CFAP70: variants seen among roughly 807,000 people sequenced by gnomAD.
The protein encoded by CFAP70 is cilia- and flagella-associated protein 70.
A neutral mutation model predicts 137.6 loss-of-function variants in CFAP70; 81 were observed. That is an observed-to-expected ratio of 0.59 (90% CI 0.49 to 0.71). The LOEUF is 0.71. Among genes scored for constraint, CFAP70 ranks in the 30% least tolerant of loss-of-function variants. CFAP70 has a pLI of 0.00. For missense variants in CFAP70, 976 were observed against 1,226.7 expected, an observed-to-expected ratio of 0.80 and a Z score of 3.05; for synonymous variants, 382 against 423.6, an observed-to-expected ratio of 0.90 and a Z score of 1.20.
At chr10:73,306,713 C>T (rs1384200215) in intron 12 of CFAP70, among the ~76,000 whole-genome samples, 1 of 151,442 alleles carries the variant, frequency 6.6e-6, no homozygotes, top group Admixed American at 6.6e-5. Flanking sequence ...ACAAAAATTA[C>T]AGAAAAAAAA....
At chr10:73,350,517 G>A (rs1365587215) in intron 3 of CFAP70, among the ~76,000 whole-genome samples, 2 of 151,836 alleles carry the variant, frequency 1.3e-5, no homozygotes, top group African/African-American at 4.8e-5. Context: ...TTATTAATAT[G>A]CAAGTGCTCT....
At chr10:73,299,551 T>C (rs1403456649) in intron 13 of CFAP70, 54 bp downstream of exon 14, 6 of 1,441,748 alleles carry the variant, frequency 4.2e-6, no homozygotes, top group Non-Finnish European at 5.8e-6. Context: ...AATTAACAAG[T>C]GCATGCACTC....
At chr10:73,304,059 AT>A (rs970244383) in intron 12 of CFAP70, among the ~76,000 whole-genome samples, 79 of 146,358 alleles carry the variant, frequency 5.4e-4, no homozygotes, top group African/African-American at 7.2e-4. Flanking sequence ...TTTATGGTAA[AT>A]TTTTTTTTTT....
At chr10:73,324,480 G>A (rs956625135) in intron 8 of CFAP70, among the ~76,000 whole-genome samples, 14 of 152,204 alleles carry the variant, frequency 9.2e-5, no homozygotes, top group African/African-American at 3.1e-4. Flanking sequence ...AACAAAGCTG[G>A]ACGGAGAATG....
chr10:73,301,950 T>C (rs1455953011), intron 12 of CFAP70, among the ~76,000 whole-genome samples: 1 of 152,018 alleles, frequency 6.6e-6, no homozygotes, highest in Non-Finnish European at 1.5e-5. Context: ...GAGAAGTATA[T>C]GGTATGTGAA....
Position 73,274,409 on chromosome 10 carries a change from TATTCCCC to T in CFAP70, c.2835+17_2835+23del. ...ACAATTAGTTCCCAGACCACGGGGT[TATTCCCC>T]ATTCTCTACCCCTCACCTCTTTCTC... On this transcript the variant is annotated intron_variant, in intron 23 of 26. Coordinates refer to ENST00000310715, the Ensembl canonical transcript of CFAP70. 6.3e-7 allele frequency: 1 copy of T among 1,594,958 alleles called. No homozygotes were observed. Among genetic ancestry groups the T allele is most frequent in the Non-Finnish European group, 8.5e-7 (1 of 1,172,906 alleles).
At position 73,297,182 on chromosome 10, in the gene CFAP70, C is replaced by T. The variant is rs1210360549; in HGVS notation, c.1513-9G>A. Reference sequence around the variant, plus strand: ...ATCTTTACCACAGCATGCTGCAAGACACACAGATCACCCATCTGATAATAC... The same window carrying T: ...ATCTTTACCACAGCATGCTGCAAGATACACAGATCACCCATCTGATAATAC... On this transcript the variant is annotated splice_polypyrimidine_tract_variant and intron_variant, in intron 14 of 26. Transcript: ENST00000310715. The T allele has an allele frequency of 1.9e-6, 3 of 1,609,288 alleles. No homozygotes were observed. The highest frequency in any genetic ancestry group is 1.1e-5 in the South Asian group (1 of 89,970).
rs1276156502 is a variant in CFAP70, at chr10:73,291,746, C to G, written c.1914G>C (p.Leu638=). 2.5e-6 allele frequency: 4 copies of G among 1,614,028 alleles called. No individual in the cohort carries two copies. The African/African-American group carries it at 5.3e-5, about 22-fold the overall frequency. Residue 638 remains leucine (L), a synonymous_variant, in exon 18 of 27, where the codon CTG becomes CTC. Coordinates refer to ENST00000310715, the Ensembl canonical transcript of CFAP70. ...CCAACAGGACAGCCAGGACACCACA[C>G]AGCAACAAGCTGAGAAAAGATCACC...
At chr10:73,355,083 A>G (rs2054565069) in intron 1 of CFAP70, among the ~76,000 whole-genome samples, 1 of 152,186 alleles carries the variant, frequency 6.6e-6, no homozygotes, top group Non-Finnish European at 1.5e-5. Context: ...GTATCACAAG[A>G]CAAAGTAGGA....
intron 26 of CFAP70, among the ~76,000 whole-genome samples, chr10:73,255,081 A>T (rs528533263): frequency 1.3e-5 from 2 of 152,194 alleles, no homozygotes; most frequent in East Asian, 3.9e-4. Flanking sequence ...TGGCCAACAT[A>T]GCAAAACCCT....
chr10:73,274,767 T>A lies in CFAP70; in HGVS notation c.2674-173A>T, dbSNP rs558032775. On this transcript the variant is annotated intron_variant, in intron 22 of 26. Coordinates refer to ENST00000310715, the Ensembl canonical transcript of CFAP70. Reference sequence around the variant, plus strand: ...ACTCAGAAACATAACCATTTAATTGTACAAGGAGACATTTTTCTAGCTCTG... The same window carrying A: ...ACTCAGAAACATAACCATTTAATTGAACAAGGAGACATTTTTCTAGCTCTG... 7.3e-4 allele frequency: 453 copies of A among 617,378 alleles called. 1 individual carries two copies. Among genetic ancestry groups the A allele is most frequent in the Non-Finnish European group, 1.0e-3 (388 of 374,864 alleles). 38.2% of individuals were successfully genotyped at this position (617,378 alleles called of 1,614,324 possible).
At chr10:73,314,298 A>G (rs775579621) in intron 9 of CFAP70, among the ~76,000 whole-genome samples, 10 of 152,216 alleles carry the variant, frequency 6.6e-5, no homozygotes, top group Non-Finnish European at 1.3e-4. Context: ...CAATTTAAAT[A>G]AATGCAGTTT....
At chr10:73,287,851 ACAT>A (rs1418919003) in intron 19 of CFAP70, among the ~76,000 whole-genome samples, 27 of 126,498 alleles carry the variant, frequency 2.1e-4, no homozygotes, top group Non-Finnish European at 3.9e-4. Flanking sequence ...ATGCATTTTA[ACAT>A]CTATCTATCT....
intron 24 of CFAP70, among the ~76,000 whole-genome samples, chr10:73,270,874 C>G (rs1360897846): frequency 6.6e-6 from 1 of 152,000 alleles, no homozygotes; most frequent in East Asian, 1.9e-4. Context: ...TAATGGGTTT[C>G]TAGGCCAAAG....
chr10:73,265,840 CACTCTT>C (rs770987097), intron 25 of CFAP70, among the ~76,000 whole-genome samples: 23 of 151,296 alleles, frequency 1.5e-4, no homozygotes, highest in Non-Finnish European at 3.1e-4. Flanking sequence ...ATAGGAAAGC[CACTCTT>C]ACTCTTTCTT....
At chr10:73,259,345 AG>A (rs1323418077) in intron 25 of CFAP70, among the ~76,000 whole-genome samples, 1 of 152,182 alleles carries the variant, frequency 6.6e-6, no homozygotes, top group African/African-American at 2.4e-5. Flanking sequence ...CATTATTCTA[AG>A]TTGCATTCTT....
At chr10:73,286,569 C>T (rs1378225583) in intron 19 of CFAP70, among the ~76,000 whole-genome samples, 1 of 152,086 alleles carries the variant, frequency 6.6e-6, no homozygotes. Context: ...ACAATATGAA[C>T]CAAAACAAAT....
chr10:73,311,716 A>AAATT, intron 11 of CFAP70, 118 bp downstream of exon 12: 1 of 859,440 alleles, frequency 1.2e-6, no homozygotes, highest in Admixed American at 2.1e-5. Context: ...ACAACTAGTC[A>AAATT]TGGGCAAATA....
chr10:73,282,107 G>T (rs930560823), intron 19 of CFAP70, among the ~76,000 whole-genome samples: 1 of 119,856 alleles, frequency 8.3e-6, no homozygotes, highest in Non-Finnish European at 1.7e-5. Flanking sequence ...TTGAGGCTGG[G>T]GAAGGCTGGG....
Sources: allele counts gnomAD v4.1 joint callset (sites outside exome capture counted in the v4.1 genomes callset), GRCh38; gene constraint gnomAD v4.1.1; transcripts MANE v1.5; gene names NCBI Gene and HGNC (gene_info 2026-07-23, HGNC 2026-07-21).